Variants in PTPRN2 observed in about 807,000 individuals in gnomAD.
PTPRN2 encodes the protein protein tyrosine phosphatase receptor type N2, also known as receptor-type tyrosine-protein phosphatase N2.
A neutral mutation model predicts 118.8 loss-of-function variants in PTPRN2; 74 were observed. The ratio of observed to expected loss-of-function variants is 0.62; its 90% CI spans 0.52 to 0.76. The LOEUF (loss-of-function observed/expected upper bound fraction) is 0.76. Among genes scored for constraint, PTPRN2 ranks in the 30% least tolerant of loss-of-function variants. PTPRN2 has a pLI of 0.00. For synonymous variants in PTPRN2, 641 were observed against 608.0 expected, an observed-to-expected ratio of 1.05 and a Z score of -0.80; for missense variants, 1,481 against 1,394.4, an observed-to-expected ratio of 1.06 and a Z score of -0.99.
At chr7:157,992,823 C>T (rs908090129) in intron 11 of PTPRN2, among the ~76,000 whole-genome samples, 10 of 152,254 alleles carry the variant, frequency 6.6e-5, no homozygotes, top group East Asian at 1.9e-4. Context: ...AAGAAGTATG[C>T]GATGGGAAGA....
At chr7:157,891,947 GCTT>G (rs1190697029) in intron 12 of PTPRN2, among the ~76,000 whole-genome samples, 1 of 152,222 alleles carries the variant, frequency 6.6e-6, no homozygotes, top group Non-Finnish European at 1.5e-5. Context: ...CTTCCCCTCA[GCTT>G]CTTCTCAGAT....
At chr7:157,963,831 A>G (rs1801709675) in intron 11 of PTPRN2, among the ~76,000 whole-genome samples, 1 of 152,188 alleles carries the variant, frequency 6.6e-6, no homozygotes, top group Non-Finnish European at 1.5e-5. Context: ...CGGGGTTGCT[A>G]CATTTCTCAA....
At chr7:158,395,221 A>G (rs1299973852) in intron 2 of PTPRN2, among the ~76,000 whole-genome samples, 2 of 145,782 alleles carry the variant, frequency 1.4e-5, no homozygotes, top group Non-Finnish European at 3.0e-5. Flanking sequence ...GATGGCACGC[A>G]GGCGCGGTCT....
intron 2 of PTPRN2, among the ~76,000 whole-genome samples, chr7:158,365,667 AGCATCCCTGGGAGAAGCCGCAGCCCAATG>A (rs1809384323): frequency 1.3e-5 from 2 of 150,280 alleles, no homozygotes; most frequent in African/African-American, 4.9e-5. Flanking sequence ...GCACACACAC[AGCATCCCTGGGAGAAGCCGCAGCCCAATG>A]CACACATGCA....
chr7:157,863,086 G>A (rs1157015541), intron 12 of PTPRN2: 1 of 152,276 alleles, frequency 6.6e-6, no homozygotes, highest in Non-Finnish European at 1.5e-5. Context: ...TGGGGCCCTG[G>A]ACACACCTGG....
intron 12 of PTPRN2, among the ~76,000 whole-genome samples, chr7:157,830,114 C>CTTGG (rs1213930002): frequency 2.8e-5 from 4 of 142,392 alleles, no homozygotes; most frequent in African/African-American, 7.7e-5. Context: ...TCTTCCTGCT[C>CTTGG]TTGGTCCCAT....
At chr7:157,849,949 A>G (rs1677609577) in intron 12 of PTPRN2, among the ~76,000 whole-genome samples, 1 of 152,258 alleles carries the variant, frequency 6.6e-6, no homozygotes, top group African/African-American at 2.4e-5. Flanking sequence ...TGGGGACGAC[A>G]TGAGATAGCC....
intron 11 of PTPRN2, among the ~76,000 whole-genome samples, chr7:158,072,292 T>G (rs1812004155): frequency 6.6e-6 from 1 of 152,152 alleles, no homozygotes; most frequent in Non-Finnish European, 1.5e-5. Context: ...GTGCCCTCCT[T>G]ATTAAGAACG....
intron 1 of PTPRN2, among the ~76,000 whole-genome samples, chr7:158,500,256 C>T (rs536048322): frequency 2.0e-5 from 3 of 152,302 alleles, no homozygotes; most frequent in African/African-American, 7.2e-5. Context: ...CTGGATATGC[C>T]ACGTGAGACC....
intron 11 of PTPRN2, among the ~76,000 whole-genome samples, chr7:158,062,678 C>T (rs556308130): frequency 1.9e-4 from 29 of 152,294 alleles, no homozygotes; most frequent in African/African-American, 6.0e-4. Flanking sequence ...TGCCAGCCAG[C>T]GCTGCTGGCC....
intron 11 of PTPRN2, among the ~76,000 whole-genome samples, chr7:157,976,709 G>A (rs904309201): frequency 6.6e-5 from 10 of 151,842 alleles, no homozygotes; most frequent in Non-Finnish European, 2.9e-5. Context: ...GCAGATTGGG[G>A]TAAATAATCC....
intron 19 of PTPRN2, among the ~76,000 whole-genome samples, chr7:157,574,849 C>G (rs1445683082): frequency 6.6e-6 from 1 of 152,234 alleles, no homozygotes; most frequent in Non-Finnish European, 1.5e-5. Context: ...TGTGTTCGCT[C>G]AAACCCACTG....
chr7:158,309,302 G>C (rs185514516), intron 3 of PTPRN2, among the ~76,000 whole-genome samples: 2 of 1,802 alleles, frequency 1.1e-3, no homozygotes, highest in Non-Finnish European at 2.4e-3. Flanking sequence ...AGCATGGCCA[G>C]AATAAAAGCA....
intron 17 of PTPRN2, among the ~76,000 whole-genome samples, chr7:157,588,926 C>T (rs1800828216): frequency 6.6e-6 from 1 of 152,174 alleles, no homozygotes; most frequent in African/African-American, 2.4e-5. Context: ...TAGAATTGGG[C>T]TCACTCTGTA....
intron 2 of PTPRN2, among the ~76,000 whole-genome samples, chr7:158,325,886 C>G (rs558425947): frequency 1.3e-4 from 20 of 152,374 alleles, no homozygotes; most frequent in Admixed American, 9.1e-4. Context: ...TCCGCTCTTG[C>G]GGCTGCCAGC....
chr7:158,205,212 C>T lies in PTPRN2; in HGVS notation c.339G>A (p.Pro113=), dbSNP rs374426916. 49 of 1,614,116 alleles carry T rather than the reference C, an allele frequency of 3.0e-5. No individual in the cohort carries two copies. The highest frequency in any genetic ancestry group is 6.7e-5 in the African/African-American group (5 of 75,020). ...CTTCAGGACGCCTCAGGTAGGTTTT[C>T]GGGAGGTCTGCAAGTTCCTGGTCCA... is the stretch of plus-strand genomic sequence containing the variant. ...YVMDQELADL[P]KTYLRRPEAS... Residue 113 remains proline (P), a synonymous_variant, in exon 4 of 23, where the codon CCG becomes CCA. Coordinates refer to ENST00000389418, the MANE Select transcript of PTPRN2 (RefSeq NM_002847.5).
chr7:158,192,346 T>A lies in PTPRN2; in HGVS notation c.530A>T (p.Gln177Leu), dbSNP rs757820301. 13 of 1,507,834 alleles carry A rather than the reference T, an allele frequency of 8.6e-6. No individual in the cohort carries two copies. Among genetic ancestry groups the A allele is most frequent in the South Asian group, 5.5e-5 (4 of 72,498 alleles). The allele number at this position is 1,507,834 out of a possible 1,614,324, so 93.4% of individuals were successfully genotyped here. A position where few individuals can be genotyped will look rare whatever the true frequency, so the allele number is the denominator to read the frequency against. The change falls in exon 5 of 23, where the codon CAG becomes CTG. Residue 177 changes from glutamine to leucine, a missense_variant. Physicochemically the swap from Gln to Leu is moderately radical, Grantham distance 113. Around this residue, in one of 3 missense-constraint regions of PTPRN2, gnomAD observed 1,115 missense variants for 994.2 expected, o/e 1.12. Transcript: ENST00000389418. ...SDVLARTHTAQDRPPAEGDDR... is the reference protein window; with the variant it reads ...SDVLARTHTALDRPPAEGDDR... The stretch of plus-strand genomic sequence containing the variant: ...GGTCACCTCAGCGGGGGGTCTGTCC[T>A]GCGCCGTATGGGTCCTGGCGAGCAC...
intron 11 of PTPRN2, among the ~76,000 whole-genome samples, chr7:157,918,332 A>C (rs1468991616): frequency 6.6e-6 from 1 of 152,262 alleles, no homozygotes; most frequent in Non-Finnish European, 1.5e-5. Flanking sequence ...GAAGAACTTA[A>C]AACAAATTAC....
chr7:157,557,229 GCA>G (rs757105364), intron 21 of PTPRN2, among the ~76,000 whole-genome samples: 116 of 142,502 alleles, frequency 8.1e-4, no homozygotes, highest in African/African-American at 2.3e-3. Flanking sequence ...TCATACATAT[GCA>G]CACACACACA....
Sources: gnomAD v4.1 joint callset for allele counts (sites outside exome capture counted in the v4.1 genomes callset) on GRCh38, gnomAD v4.1.1 for gene constraint, gnomAD v4.1.1 regional missense constraint, MANE v1.5 for transcripts, NCBI Gene and HGNC (gene_info 2026-07-23, HGNC 2026-07-21) for gene names.